The following PICK1 variants were observed in gnomAD, a reference collection of about 807,000 sequenced individuals.
PICK1 encodes protein interacting with PRKCA 1.
PICK1 carries 23 observed loss-of-function variants against 48.9 expected under a neutral mutation model. The ratio of observed to expected loss-of-function variants is 0.47; its 90% CI spans 0.34 to 0.67. The LOEUF (loss-of-function observed/expected upper bound fraction) is 0.67. Among genes scored for constraint, PICK1 ranks in the 30% least tolerant of loss-of-function variants. PICK1 has a pLI of 0.01. For synonymous variants in PICK1, 217 were observed against 228.2 expected, an observed-to-expected ratio of 0.95 and a Z score of 0.44; for missense variants, 423 against 557.1, an observed-to-expected ratio of 0.76 and a Z score of 2.42.
Position 38,072,566 on chromosome 22 carries a change from A to G in PICK1, c.646A>G (p.Ser216Gly). The change falls in exon 9 of 13, where the codon AGC becomes GGC. Residue 216 changes from serine (S) to glycine (G), a missense_variant. Ser to Gly is a moderately conservative substitution (Grantham distance 56). This residue lies in a region of PICK1 where 279 missense variants were observed against 417.8 expected (regional missense o/e 0.67). Coordinates refer to ENST00000356976, the MANE Select transcript of PICK1 (RefSeq NM_012407.4). ...AFVKFADAHRSIEKFGIRLLK... is the reference protein window; with the variant it reads ...AFVKFADAHRGIEKFGIRLLK... ...TGTGAAGTTCGCCGATGCCCACCGC[A>G]GCATCGAGAAGTTCGGCATTCGGCT... 6.2e-7 allele frequency: 1 copy of G among 1,613,482 alleles called. No homozygotes were observed. Among genetic ancestry groups the G allele is most frequent in the South Asian group, 1.1e-5 (1 of 91,090 alleles).
chr22:38,068,202 G>A, intron 5 of PICK1: 1 of 450,704 alleles, frequency 2.2e-6, no homozygotes, highest in Non-Finnish European at 4.5e-6. Context: ...TCAGCTCCCA[G>A]GGGGACTCTG....
chr22:38,070,359 G>A (rs969488112), intron 6 of PICK1, among the ~76,000 whole-genome samples: 5 of 152,242 alleles, frequency 3.3e-5, no homozygotes, highest in African/African-American at 1.2e-4. Context: ...CTGGCACACA[G>A]TGGGTGCTCA....
intron 4 of PICK1, among the ~76,000 whole-genome samples, chr22:38,067,110 GGAA>G (rs1235081535): frequency 6.6e-6 from 1 of 151,930 alleles, no homozygotes; most frequent in Non-Finnish European, 1.5e-5. Flanking sequence ...GCGTGGGGAG[GGAA>G]GAAGGAGAGC....
At chr22:38,068,786 G>A (rs533846771) in intron 5 of PICK1, among the ~76,000 whole-genome samples, 8 of 152,330 alleles carry the variant, frequency 5.3e-5, no homozygotes, top group African/African-American at 1.9e-4. Context: ...ACCAGCAGCT[G>A]ATGTTGCGTA....
At chr22:38,072,339 C>T in intron 8 of PICK1, 138 bp from the exon 9 acceptor site, 1 of 997,224 alleles carries the variant, frequency 1.0e-6, no homozygotes, top group Non-Finnish European at 1.5e-6. Context: ...TTTAGACCAG[C>T]TCTCTTGGAG....
At position 38,066,542 on chromosome 22, in the gene PICK1, C is replaced by T. The variant is rs919138277; in HGVS notation, c.283-1162C>T. Among the ~76,000 whole-genome samples the T allele has an allele frequency of 8.5e-5, 13 of 152,292 alleles. No individual in the cohort carries two copies. Among genetic ancestry groups the T allele is most frequent in the African/African-American group, 2.2e-4 (9 of 41,562 alleles). ...CTCCCATCTTACAGGTGTCCACAGG[C>T]GGGGAGTGACCTGCTTGTGGTCACA... is the stretch of plus-strand genomic sequence containing the variant. On this transcript the variant is annotated intron_variant, in intron 4 of 12. Transcript: ENST00000356976. The surrounding 1 kb of genome is among the most constrained non-coding windows in gnomAD (Gnocchi z 4.1).
rs948099223 is a variant in PICK1, at chr22:38,075,246, C to T, written c.*114C>T. On this transcript the variant is annotated 3_prime_UTR_variant, in exon 13 of 13. Coordinates refer to ENST00000356976, the MANE Select transcript of PICK1 (RefSeq NM_012407.4). The stretch of plus-strand genomic sequence containing the variant: ...ATAAAGGCCTGCTGGCTTGGGGCGC[C>T]TGCCTCCCTGCTCCTCTGTCCTCGC... 1 of 1,006,598 alleles carries T rather than the reference C, an allele frequency of 9.9e-7. No homozygotes were observed. Among genetic ancestry groups the T allele is most frequent in the African/African-American group, 1.6e-5 (1 of 61,572 alleles). The allele number at this position is 1,006,598 out of a possible 1,614,324, so 62.4% of individuals were successfully genotyped here.
Position 38,073,120 on chromosome 22 carries a change from A to C in PICK1, c.783+28A>C. On this transcript the variant is annotated intron_variant, in intron 10 of 12. Transcript: ENST00000356976. The surrounding 1 kb of genome is among the most constrained non-coding windows in gnomAD (Gnocchi z 5.7). Reference sequence around the variant, plus strand: ...GAGTAGTCCAGGTGCCCAGGCTGCTAGGGCAAGCGCCCACCCTGGAGATCT... The same window carrying C: ...GAGTAGTCCAGGTGCCCAGGCTGCTCGGGCAAGCGCCCACCCTGGAGATCT... 1 of 1,457,924 alleles carries C rather than the reference A, an allele frequency of 6.9e-7. No homozygotes were observed. The highest frequency in any genetic ancestry group is 9.6e-7 in the Non-Finnish European group (1 of 1,037,940). The allele number at this position is 1,457,924 out of a possible 1,614,324, so 90.3% of individuals were successfully genotyped here.
At chr22:38,065,287 C>T (rs2085498882) in intron 4 of PICK1, 157 bp downstream of exon 4, 1 of 722,980 alleles carries the variant, frequency 1.4e-6, no homozygotes, top group East Asian at 2.8e-5. Context: ...CAGCCTCCCT[C>T]ATCCATCCCT....
Position 38,070,909 on chromosome 22 carries a change from T to G in PICK1, c.493+18T>G, listed in dbSNP as rs2145878106. ...ATACAAAGGTGGGTGGGGGGTGGCC[T>G]CGTCCTGGCACTAGCTCTACCCCAG... On this transcript the variant is annotated intron_variant, in intron 7 of 12. Transcript: ENST00000356976. The G allele has an allele frequency of 6.2e-7, 1 of 1,609,560 alleles. No homozygotes were observed. The highest frequency in any genetic ancestry group is 8.5e-7 in the Non-Finnish European group (1 of 1,176,046).
At chr22:38,069,949 G>C (rs2085635306) in intron 6 of PICK1, among the ~76,000 whole-genome samples, 1 of 152,216 alleles carries the variant, frequency 6.6e-6, no homozygotes, top group Non-Finnish European at 1.5e-5. Flanking sequence ...GATGTCCCAT[G>C]ACCCAGCTAA....
At chr22:38,072,178 A>C (rs562858544) in intron 8 of PICK1, among the ~76,000 whole-genome samples, 31 of 152,120 alleles carry the variant, frequency 2.0e-4, no homozygotes, top group Non-Finnish European at 4.0e-4. Context: ...CCACCTCCAC[A>C]AACCTTGACC....
chr22:38,058,964 G>A lies in PICK1; in HGVS notation c.42-270G>A, dbSNP rs865832177. ...GGAGGTTGCAGTGAGCCGAGATTGC[G>A]CCATTGCACTCTAGCCTGGGCAACA... On this transcript the variant is annotated intron_variant, in intron 2 of 12. Transcript: ENST00000356976. Among the ~76,000 whole-genome samples the A allele has an allele frequency of 1.7e-4, 26 of 152,236 alleles. No individual in the cohort carries two copies. The South Asian group carries it at 2.9e-3, about 17-fold the overall frequency.
chr22:38,070,936 G>T, intron 7 of PICK1, 45 bp downstream of exon 7: 1 of 1,534,242 alleles, frequency 6.5e-7, no homozygotes, highest in Non-Finnish European at 9.0e-7. Context: ...CTACCCCAGG[G>T]AGCATGCTCT....
Position 38,057,794 on chromosome 22 carries a change from T to TC in PICK1, c.-14dup, listed in dbSNP as rs769630619. The TC allele has an allele frequency of 3.1e-6, 5 of 1,613,262 alleles. No individual in the cohort carries two copies. Among genetic ancestry groups the TC allele is most frequent in the Non-Finnish European group, 4.2e-6 (5 of 1,179,170 alleles). ...CGAGCTGGGCAGTTAGCCAGCCCACTCCAACTCTCGGAACCATGTTTGCAG... is the reference window on the plus strand; with the variant it reads ...CGAGCTGGGCAGTTAGCCAGCCCACTCCCAACTCTCGGAACCATGTTTGCAG... On this transcript the variant is annotated 5_prime_UTR_variant, in exon 2 of 13. Transcript: ENST00000356976.
rs1480339926 is a variant in PICK1 at position 38,075,153 on chromosome 22, C to T, written c.*21C>T. 1 of 1,601,080 alleles carries T rather than the reference C, an allele frequency of 6.2e-7. No homozygotes were observed. The highest frequency in any genetic ancestry group is 1.3e-5 in the African/African-American group (1 of 74,780). On this transcript the variant is annotated 3_prime_UTR_variant, in exon 13 of 13. Transcript: ENST00000356976. ...CCTGAGTGCCCCGCGGCTGTGGTGC[C>T]GGGGGCAGGGTGCGTGGGAGGACGG...
chr22:38,067,319 T>C (rs1343893229), intron 4 of PICK1, among the ~76,000 whole-genome samples: 1 of 148,566 alleles, frequency 6.7e-6, no homozygotes, highest in Non-Finnish European at 1.5e-5. Context: ...TTTTTTTTTT[T>C]TTTTTTTTGA....
chr22:38,062,570 C>A (rs6000990), intron 3 of PICK1, among the ~76,000 whole-genome samples: 5 of 152,044 alleles, frequency 3.3e-5, no homozygotes, highest in Non-Finnish European at 7.4e-5. Flanking sequence ...GTCTGTTTTC[C>A]GCCCTGTAGT....
In PICK1 at chr22:38,063,386, G is replaced by T. The variant is rs73170738; in HGVS notation, c.154-1616G>T. On this transcript the variant is annotated intron_variant, in intron 3 of 12. Transcript: ENST00000356976. Reference sequence around the variant, plus strand: ...ATTGCCCAGGCGATCTTCCCACCTCGGTTTCCCAAAATGCTGGGATTACAG... The same window carrying T: ...ATTGCCCAGGCGATCTTCCCACCTCTGTTTCCCAAAATGCTGGGATTACAG... 8.9e-3 allele frequency among the ~76,000 whole-genome samples: 1,342 copies of T among 151,494 alleles called. 20 individuals carry two copies. The highest frequency in any genetic ancestry group is 0.031 in the African/African-American group (1,283 of 41,332).
Sources: allele counts gnomAD v4.1 joint callset (sites outside exome capture counted in the v4.1 genomes callset), GRCh38; gene constraint gnomAD v4.1.1; regional missense constraint gnomAD v4.1.1; non-coding constraint Gnocchi (gnomAD v3.1); transcripts MANE v1.5; gene names NCBI Gene and HGNC (gene_info 2026-07-23, HGNC 2026-07-21).